Variants in PRELID2 observed in about 807,000 individuals in gnomAD.
PRELID2 encodes PRELI domain containing 2, also known as PRELI domain-containing protein 2.
Under a neutral mutation model 28.4 loss-of-function variants are expected in PRELID2, and 25 were observed. That is an observed-to-expected ratio of 0.88 (90% CI 0.64 to 1.23). PRELID2 has a LOEUF of 1.23. Ranked by LOEUF, PRELID2 falls within the 50% of genes most tolerant of loss-of-function variation. The probability of loss-of-function intolerance (pLI) is 0.00; values close to 1 mark genes in which losing one functional copy is unlikely to be tolerated. For synonymous variants in PRELID2, 76 were observed against 71.6 expected (o/e 1.06, Z -0.31); for missense variants, 201 against 214.4 (o/e 0.94, Z 0.39).
intron 1 of PRELID2, among the ~76,000 whole-genome samples, chr5:145,677,125 T>C (rs1754834358): frequency 6.6e-6 from 1 of 151,366 alleles, no homozygotes; most frequent in South Asian, 2.1e-4. Context: ...GAGATTATGT[T>C]TTTTATGTTT....
chr5:145,557,019 C>A (rs758269317), intron 1 of PRELID2, among the ~76,000 whole-genome samples: 51 of 152,284 alleles, frequency 3.3e-4, no homozygotes, highest in Admixed American at 7.2e-4. Flanking sequence ...ACCACGATTG[C>A]AACTTTAAAG....
chr5:145,765,731 C>T (rs954270917), intron 5 of PRELID2, among the ~76,000 whole-genome samples: 1 of 152,154 alleles, frequency 6.6e-6, no homozygotes, highest in African/African-American at 2.4e-5. Context: ...TTCCTGAGTG[C>T]GCACTACAAT....
At chr5:145,280,312 G>A in the PRELID2 span, among the ~76,000 whole-genome samples, 1 of 152,140 alleles carries the variant, frequency 6.6e-6, no homozygotes, top group Non-Finnish European at 1.5e-5. Context: ...GAAGATAAAT[G>A]TGACAATTGA....
the PRELID2 span, among the ~76,000 whole-genome samples, chr5:145,317,521 G>A: frequency 1.3e-5 from 2 of 152,158 alleles, no homozygotes; most frequent in African/African-American, 2.4e-5. Flanking sequence ...AGGGAGGACT[G>A]ACCCTTGAAA....
the PRELID2 span, among the ~76,000 whole-genome samples, chr5:145,391,750 C>A: frequency 6.7e-6 from 1 of 149,580 alleles, no homozygotes; most frequent in Non-Finnish European, 1.5e-5. Context: ...TCTGCTTCTT[C>A]TTGAACACTT....
At chr5:145,754,819 G>T (rs549932814), downstream of PRELID2, among the ~76,000 whole-genome samples, 12 of 152,140 alleles carry the variant, frequency 7.9e-5, no homozygotes, top group Non-Finnish European at 1.6e-4. Flanking sequence ...GGCCATCCAC[G>T]TCAATTTCTA....
the PRELID2 span, among the ~76,000 whole-genome samples, chr5:145,260,771 A>G: frequency 1.3e-5 from 2 of 152,192 alleles, no homozygotes. Flanking sequence ...CTTTTGCTCA[A>G]AGAATTACTG....
chr5:145,517,808 G>T (rs1486694901), intron 1 of PRELID2, among the ~76,000 whole-genome samples: 1 of 152,156 alleles, frequency 6.6e-6, no homozygotes, highest in East Asian at 1.9e-4. Context: ...ATACTATGCA[G>T]CCATAAAAAA....
the PRELID2 span, chr5:145,338,065 AATG>A: frequency 6.6e-6 from 1 of 152,216 alleles, no homozygotes; most frequent in South Asian, 2.1e-4. Flanking sequence ...ACATGTATAT[AATG>A]ATTCCTTTTA....
In PRELID2 at chr5:145,820,123, GTTTT is replaced by G. The variant is rs74273635; in HGVS notation, c.134-109_134-106del. 1.8e-3 allele frequency: 475 copies of G among 264,198 alleles called. 6 individuals carry two copies. Among genetic ancestry groups the G allele is most frequent in the Non-Finnish European group, 3.2e-3 (388 of 121,608 alleles). The allele number at this position is 264,198 out of a possible 1,614,324, so 16.4% of individuals were successfully genotyped here. Reference sequence around the variant, plus strand: ...GGGGTTTTTTTGTTTTTTGTTTTTTGTTTTTTTTTTTTGAGACACCCAGGCTGGA... The same window carrying G: ...GGGGTTTTTTTGTTTTTTGTTTTTTGTTTTTTTTGAGACACCCAGGCTGGA... On this transcript the variant is annotated intron_variant, in intron 2 of 6. Transcript: ENST00000683046.
At chr5:145,418,224 C>G in the PRELID2 span, among the ~76,000 whole-genome samples, 2 of 151,812 alleles carry the variant, frequency 1.3e-5, no homozygotes, top group Admixed American at 1.3e-4. Context: ...AAGCACTTTT[C>G]AAAGAAATAA....
At chr5:145,779,121 T>G (rs1758605570) in intron 5 of PRELID2, among the ~76,000 whole-genome samples, 1 of 152,192 alleles carries the variant, frequency 6.6e-6, no homozygotes. Context: ...AAACATAAAG[T>G]CTAACCCTTT....
chr5:145,534,772 A>T (rs905526780), intron 1 of PRELID2, among the ~76,000 whole-genome samples: 1 of 151,974 alleles, frequency 6.6e-6, no homozygotes. Context: ...GTATCACAGA[A>T]ATGGTTGAAC....
At chr5:145,345,424 T>C in the PRELID2 span, among the ~76,000 whole-genome samples, 1 of 151,898 alleles carries the variant, frequency 6.6e-6, no homozygotes, top group Non-Finnish European at 1.5e-5. Flanking sequence ...ATCAAACCGT[T>C]GAAGCCCACA....
chr5:145,670,124 T>C (rs906913961), intron 1 of PRELID2, among the ~76,000 whole-genome samples: 2 of 152,162 alleles, frequency 1.3e-5, no homozygotes, highest in African/African-American at 4.8e-5. Context: ...AAGAGGTTTA[T>C]TTGGCTTGCA....
chr5:145,440,237 G>C, the PRELID2 span, among the ~76,000 whole-genome samples: 1 of 152,024 alleles, frequency 6.6e-6, no homozygotes, highest in Non-Finnish European at 1.5e-5. Context: ...AGGATGGGGA[G>C]GCTACTTCCT....
the PRELID2 span, among the ~76,000 whole-genome samples, chr5:145,246,778 C>T: frequency 5.3e-5 from 8 of 150,346 alleles, no homozygotes; most frequent in Non-Finnish European, 1.2e-4. Context: ...CTAACCAACT[C>T]CATCTTGCTT....
At position 145,573,855 on chromosome 5, in the gene PRELID2, C is replaced by T. The variant is rs182190955; in HGVS notation, n.71-100540G>A. 3.3e-5 allele frequency among the ~76,000 whole-genome samples: 5 copies of T among 152,196 alleles called. No homozygotes were observed. The East Asian group carries it at 7.7e-4, about 24-fold the overall frequency. On this transcript the variant is annotated intron_variant and non_coding_transcript_variant, in intron 1 of 2. Coordinates refer to the PRELID2 transcript ENST00000510259. ...TAGAAGGGGAGTGGAGGAACCCACA[C>T]CAAATTTTTGCCTCCAAGAAAAGAG...
At chr5:145,749,795 T>C (rs984060363) in intron 1 of PRELID2, among the ~76,000 whole-genome samples, 1 of 152,090 alleles carries the variant, frequency 6.6e-6, no homozygotes, top group Non-Finnish European at 1.5e-5. Flanking sequence ...TAAAAAAGAA[T>C]GAGATCTTGT....
Sources: gnomAD v4.1 joint callset for allele counts (sites outside exome capture counted in the v4.1 genomes callset) on GRCh38, gnomAD v4.1.1 for gene constraint, MANE v1.5 for transcripts, NCBI Gene and HGNC (gene_info 2026-07-23, HGNC 2026-07-21) for gene names.